The following HIBCH variants were observed in gnomAD, a reference collection of about 807,000 sequenced individuals.
HIBCH encodes 3-hydroxyisobutyryl-CoA hydrolase, mitochondrial.
In HIBCH, 50 loss-of-function variants were observed where a neutral mutation model predicts 58.2. The ratio of observed to expected loss-of-function variants is 0.86; its 90% CI spans 0.68 to 1.09. HIBCH has a LOEUF of 1.09. Among genes scored for constraint, HIBCH ranks in the 50% least tolerant of loss-of-function variants. The pLI, the probability that HIBCH is intolerant of heterozygous loss-of-function variation, is 0.00. For missense variants in HIBCH, 450 were observed against 449.7 expected, an observed-to-expected ratio of 1.00 and a Z score of -0.01; for synonymous variants, 151 against 146.9, an observed-to-expected ratio of 1.03 and a Z score of -0.20.
intron 11 of HIBCH, among the ~76,000 whole-genome samples, chr2:190,229,367 A>T (rs1686020693): frequency 6.6e-6 from 1 of 152,236 alleles, no homozygotes; most frequent in East Asian, 1.9e-4. Flanking sequence ...AGGAATGCTT[A>T]AAGGTGTAGG....
chr2:190,194,477 T>TACACAC (rs3083429), intron 1 of HIBCH, among the ~76,000 whole-genome samples: 2,018 of 141,444 alleles, frequency 0.014, 21 homozygotes, highest in Middle Eastern at 0.04. Flanking sequence ...ATCCTGTGTA[T>TACACAC]ACACACACAC....
intron 1 of HIBCH, among the ~76,000 whole-genome samples, chr2:190,194,290 T>C (rs1016992360): frequency 7.3e-5 from 11 of 151,502 alleles, no homozygotes; most frequent in African/African-American, 2.5e-4. Context: ...TATTTTTTCT[T>C]TGACTATTCT....
chr2:190,256,962 A>C (rs1190419097), intron 7 of HIBCH, among the ~76,000 whole-genome samples: 2 of 152,242 alleles, frequency 1.3e-5, no homozygotes, highest in African/African-American at 4.8e-5. Flanking sequence ...TAATGAATGA[A>C]GCATAAGTGA....
intron 5 of HIBCH, among the ~76,000 whole-genome samples, chr2:190,288,693 T>C (rs969385515): frequency 6.6e-6 from 1 of 152,142 alleles, no homozygotes; most frequent in African/African-American, 2.4e-5. Context: ...AAAAATCTTT[T>C]AGTTCAAACT....
intron 1 of HIBCH, among the ~76,000 whole-genome samples, chr2:190,198,631 C>A (rs961456333): frequency 1.4e-3 from 102 of 70,566 alleles, no homozygotes; most frequent in East Asian, 3.6e-3. Context: ...GACCCTGTCT[C>A]AAAAAAAAAA....
chr2:190,262,163 C>CAAAAAAAAAAAAAAAAAAAA (rs982653583), intron 6 of HIBCH, among the ~76,000 whole-genome samples: 1 of 91,946 alleles, frequency 1.1e-5, no homozygotes, highest in African/African-American at 3.9e-5. Flanking sequence ...GCGGTAGAGA[C>CAAAAAAAAAAAAAAAAAAAA]AAAAAAAAAA....
At chr2:190,234,551 T>A (rs1277458700) in intron 11 of HIBCH, among the ~76,000 whole-genome samples, 1 of 152,092 alleles carries the variant, frequency 6.6e-6, no homozygotes, top group Middle Eastern at 3.2e-3. Flanking sequence ...AGACACAAAA[T>A]GATACAATTT....
intron 11 of HIBCH, among the ~76,000 whole-genome samples, chr2:190,234,138 C>A (rs571377052): frequency 1.3e-5 from 2 of 152,276 alleles, no homozygotes; most frequent in Admixed American, 6.5e-5. Flanking sequence ...GCCTGGGCAA[C>A]AAGAGTGAAA....
At chr2:190,292,445 T>C (rs998349041) in intron 4 of HIBCH, among the ~76,000 whole-genome samples, 10 of 152,140 alleles carry the variant, frequency 6.6e-5, no homozygotes, top group Non-Finnish European at 1.5e-4. Flanking sequence ...GCTGGGACTA[T>C]AGGCGCATGC....
chr2:190,236,308 G>T lies in HIBCH; in HGVS notation c.891+8579C>A, dbSNP rs925924316. On this transcript the variant is annotated intron_variant, in intron 11 of 13. Coordinates refer to ENST00000359678, the MANE Select transcript of HIBCH (RefSeq NM_014362.4). The surrounding 1 kb of genome is among the most constrained non-coding windows in gnomAD (Gnocchi z 4.1). ...TAATTCACAAGTATTTTAATAATAA[G>T]TCACATCATCTGTTATATTGAAACC... Among the ~76,000 whole-genome samples, 4 of 152,146 alleles carry T rather than the reference G, an allele frequency of 2.6e-5. No homozygotes were observed. Among genetic ancestry groups the T allele is most frequent in the African/African-American group, 9.7e-5 (4 of 41,426 alleles).
chr2:190,243,256 G>GT lies in HIBCH; in HGVS notation c.891+1630dup. Among the ~76,000 whole-genome samples, 1 of 152,164 alleles carries GT rather than the reference G, an allele frequency of 6.6e-6. No individual in the cohort carries two copies. The highest frequency in any genetic ancestry group is 1.9e-4 in the East Asian group (1 of 5,198). ...AGAGACTGGCCTAGCCTCCCAGCCT[G>GT]TATCTTTCTCCCATGCTGGATGCTT... On this transcript the variant is annotated intron_variant, in intron 11 of 13. Transcript: ENST00000359678. This position sits in a 1 kb window ranked among gnomAD's most constrained non-coding sequence, Gnocchi z 4.1.
At chr2:190,198,797 T>C (rs1690103372) in intron 1 of HIBCH, among the ~76,000 whole-genome samples, 1 of 152,152 alleles carries the variant, frequency 6.6e-6, no homozygotes, top group African/African-American at 2.4e-5. Flanking sequence ...TGAAGCTGTC[T>C]TGTATTGTTT....
intron 2 of HIBCH, among the ~76,000 whole-genome samples, chr2:190,301,545 G>C (rs997066988): frequency 1.3e-5 from 2 of 152,140 alleles, no homozygotes; most frequent in Non-Finnish European, 2.9e-5. Context: ...TTAGGGGAAT[G>C]GAACTCCTCT....
At chr2:190,246,361 AT>A in intron 9 of HIBCH, 149 bp from the exon 10 acceptor site, 1 of 609,772 alleles carries the variant, frequency 1.6e-6, no homozygotes, top group Non-Finnish European at 2.9e-6. Flanking sequence ...CTACCGCTGT[AT>A]GATCAAAATT....
chr2:190,206,536 T>G lies in HIBCH; in HGVS notation c.1046-1304A>C, dbSNP rs569800210. 6.6e-6 allele frequency among the ~76,000 whole-genome samples: 1 copy of G among 152,326 alleles called. No individual in the cohort carries two copies. Among genetic ancestry groups the G allele is most frequent in the African/African-American group, 2.4e-5 (1 of 41,566 alleles). On this transcript the variant is annotated intron_variant, in intron 13 of 13. Transcript: ENST00000359678. This position sits in a 1 kb window ranked among gnomAD's most constrained non-coding sequence, Gnocchi z 5.1. Reference sequence around the variant, plus strand: ...TACAAGTTCGTGCCATGTAGGCAGCTCAGGTTTTGCAAGTCTCCTGAGATA... The same window carrying G: ...TACAAGTTCGTGCCATGTAGGCAGCGCAGGTTTTGCAAGTCTCCTGAGATA...
At chr2:190,228,343 T>C (rs940715232) in intron 11 of HIBCH, among the ~76,000 whole-genome samples, 14 of 144,008 alleles carry the variant, frequency 9.7e-5, no homozygotes, top group East Asian at 2.1e-4. Context: ...TAGGTGGGAA[T>C]TGAACAATGA....
downstream of HIBCH, chr2:190,200,077 G>A: frequency 6.2e-7 from 1 of 1,614,052 alleles, no homozygotes; most frequent in Non-Finnish European, 8.5e-7. Context: ...CTTGTGTGAT[G>A]CCTTGCAGCA....
chr2:190,193,434 T>C (rs1689811260), intron 1 of HIBCH, among the ~76,000 whole-genome samples: 1 of 152,178 alleles, frequency 6.6e-6, no homozygotes, highest in African/African-American at 2.4e-5. Context: ...TCGGGAAATC[T>C]TTCTTTCCTC....
At chr2:190,294,020 G>GTATATATATATATATATA (rs1413194024) in intron 4 of HIBCH, among the ~76,000 whole-genome samples, 13 of 125,830 alleles carry the variant, frequency 1.0e-4, no homozygotes, top group African/African-American at 2.7e-4. Context: ...TATATTTTGT[G>GTATATATATATATATATA]TGTATATATA....
Sources: allele counts gnomAD v4.1 joint callset (sites outside exome capture counted in the v4.1 genomes callset), GRCh38; gene constraint gnomAD v4.1.1; non-coding constraint Gnocchi (gnomAD v3.1); transcripts MANE v1.5; gene names NCBI Gene and HGNC (gene_info 2026-07-23, HGNC 2026-07-21).